The following PALLD variants were observed in gnomAD, a reference collection of about 807,000 sequenced individuals.
PALLD encodes palladin, cytoskeletal associated protein, also known as palladin.
A neutral mutation model predicts 123.5 loss-of-function variants in PALLD; 61 were observed. The observed-to-expected ratio is 0.49, with a 90% CI of 0.40 to 0.61. The LOEUF (loss-of-function observed/expected upper bound fraction) is 0.61, where lower values mean the gene tolerates loss of function less well. Among genes scored for constraint, PALLD ranks in the 20% least tolerant of loss-of-function variants. The pLI is 0.00. For synonymous variants in PALLD, 465 were observed against 496.4 expected, an observed-to-expected ratio of 0.94 and a Z score of 0.84; for missense variants, 1,273 against 1,377.0, an observed-to-expected ratio of 0.92 and a Z score of 1.20.
chr4:168,915,271 C>T (rs1041815059), intron 16 of PALLD, among the ~76,000 whole-genome samples: 3 of 152,100 alleles, frequency 2.0e-5, no homozygotes, highest in African/African-American at 7.2e-5. Context: ...GTCTTCCCTG[C>T]GATTACTTTC....
rs370500761 is a variant in PALLD, at chr4:168,668,191, T to C, written c.910T>C (p.Trp304Arg). 8 of 1,613,514 alleles carry C rather than the reference T, an allele frequency of 5.0e-6. No homozygotes were observed. The Admixed American group carries it at 6.7e-5, about 13-fold the overall frequency. The change falls in exon 3 of 22, where the codon TGG becomes CGG. Residue 304 changes from tryptophan to arginine, a missense_variant and splice_region_variant. Coordinates refer to ENST00000505667, the MANE Select transcript of PALLD (RefSeq NM_001166108.2). ...VTGNPTPRVR[W>R]FCEGKELHNT... is the part of the protein sequence containing the mutation. ...CTTTGACCTCCATTTGGCCTGCAGA[T>C]GGTTCTGTGAAGGGAAAGAACTGCA...
intron 10 of PALLD, among the ~76,000 whole-genome samples, chr4:168,823,705 A>T (rs1308566632): frequency 1.3e-5 from 2 of 152,132 alleles, no homozygotes; most frequent in African/African-American, 4.8e-5. Context: ...CTTTCTCCTT[A>T]TGTAACACTA....
rs377747204 is a variant in PALLD, at chr4:168,511,870, T to G, written c.366T>G (p.Pro122=). The G allele has an allele frequency of 4.5e-5, 72 of 1,614,136 alleles. No homozygotes were observed. The highest frequency in any genetic ancestry group is 3.3e-4 in the Middle Eastern group (2 of 6,062). The change falls in exon 2 of 22, where the codon CCT becomes CCG. Residue 122 remains proline (P), a synonymous_variant. Coordinates refer to ENST00000505667, the MANE Select transcript of PALLD (RefSeq NM_001166108.2). The part of the protein sequence containing the change: ...SISSPVSKRK[P]AMSPLLTRPS... ...CTTCACCTGTTTCAAAGAGGAAACC[T>G]GCCATGTCACCCCTGCTCACCAGGC...
chr4:168,883,818 G>T (rs574105909), intron 10 of PALLD, among the ~76,000 whole-genome samples: 1 of 152,126 alleles, frequency 6.6e-6, no homozygotes, highest in Non-Finnish European at 1.5e-5. Context: ...AGTATTTAGT[G>T]CAGGAGGCCT....
intron 2 of PALLD, among the ~76,000 whole-genome samples, chr4:168,645,688 C>T (rs760518056): frequency 2.0e-5 from 3 of 152,144 alleles, no homozygotes; most frequent in Non-Finnish European, 2.9e-5. Context: ...AACACTTATT[C>T]GATGTTAGCT....
At position 168,925,694 on chromosome 4, in the gene PALLD, T is replaced by C. The variant is rs1364716068; in HGVS notation, c.*32+416T>C. Among the ~76,000 whole-genome samples the C allele has an allele frequency of 2.6e-5, 4 of 152,138 alleles. No individual in the cohort carries two copies. The East Asian group carries it at 7.7e-4, about 29-fold the overall frequency. On this transcript the variant is annotated intron_variant, in intron 21 of 21. Coordinates refer to ENST00000505667, the MANE Select transcript of PALLD (RefSeq NM_001166108.2). Reference sequence around the variant, plus strand: ...TTATCCATTGACATAAAAAAAACACTAGAAAAAAATTAAGAATTTATTTAA... The same window carrying C: ...TTATCCATTGACATAAAAAAAACACCAGAAAAAAATTAAGAATTTATTTAA...
chr4:168,692,989 A>G (rs1176788210), intron 8 of PALLD, among the ~76,000 whole-genome samples: 1 of 152,238 alleles, frequency 6.6e-6, no homozygotes, highest in East Asian at 1.9e-4. Context: ...CACTCAGAAT[A>G]TGCTAGCTAA....
Position 168,567,589 on chromosome 4 carries a change from C to T in PALLD, c.908+55177C>T, listed in dbSNP as rs1430422404. Among the ~76,000 whole-genome samples, 9 of 137,278 alleles carry T rather than the reference C, an allele frequency of 6.6e-5. No homozygotes were observed. In the South Asian group the frequency reaches 6.9e-4, roughly 11 times the overall value. The allele number at this position is 137,278 out of a possible 152,430, so 90.1% of individuals were successfully genotyped here. ...TGTGTATGTAGATATATATATTATA[C>T]ATTATATATAATATATATAATATAC... On this transcript the variant is annotated intron_variant, in intron 2 of 21. Coordinates refer to ENST00000505667, the MANE Select transcript of PALLD (RefSeq NM_001166108.2).
chr4:168,834,418 G>A (rs1744809320), intron 10 of PALLD, among the ~76,000 whole-genome samples: 2 of 152,078 alleles, frequency 1.3e-5, no homozygotes, highest in African/African-American at 4.8e-5. Flanking sequence ...GCTCTAGATA[G>A]TTTTTAGTTG....
chr4:168,501,309 G>T (rs945292848), intron 1 of PALLD, among the ~76,000 whole-genome samples: 7 of 152,054 alleles, frequency 4.6e-5, no homozygotes, highest in Non-Finnish European at 8.8e-5. Flanking sequence ...AGCTACTTGG[G>T]AAGCTAAAGT....
intron 2 of PALLD, among the ~76,000 whole-genome samples, chr4:168,570,209 T>C (rs1282931768): frequency 6.6e-6 from 1 of 152,164 alleles, no homozygotes; most frequent in African/African-American, 2.4e-5. Flanking sequence ...ATTCAATAAT[T>C]GTCTGTCTAT....
At chr4:168,924,551 T>C (rs974744602) in intron 19 of PALLD, 131 bp downstream of exon 19, 3 of 962,924 alleles carry the variant, frequency 3.1e-6, no homozygotes, top group Non-Finnish European at 4.9e-6. Flanking sequence ...ATGAAATCAA[T>C]CAAAGACAAA....
At chr4:168,850,817 C>G (rs536233154) in intron 10 of PALLD, among the ~76,000 whole-genome samples, 1 of 152,170 alleles carries the variant, frequency 6.6e-6, no homozygotes, top group Admixed American at 6.5e-5. Context: ...CAGGCATGAG[C>G]CACCGCGCCC....
chr4:168,906,830 GC>G (rs1292845987), intron 15 of PALLD, among the ~76,000 whole-genome samples: 2 of 151,550 alleles, frequency 1.3e-5, no homozygotes, highest in Non-Finnish European at 2.9e-5. Flanking sequence ...CTTACCCAAA[GC>G]CCAATATATA....
chr4:168,579,823 TA>T (rs1770049976), intron 2 of PALLD, among the ~76,000 whole-genome samples: 1 of 152,114 alleles, frequency 6.6e-6, no homozygotes, highest in South Asian at 2.1e-4. Flanking sequence ...ATATATGTTG[TA>T]AAATGATTAC....
At chr4:168,712,612 C>G (rs1784940430) in intron 10 of PALLD, among the ~76,000 whole-genome samples, 1 of 152,154 alleles carries the variant, frequency 6.6e-6, no homozygotes, top group South Asian at 2.1e-4. Context: ...ATTACAATGT[C>G]AGAGAGAGGC....
chr4:168,776,128 G>A (rs570356077), intron 10 of PALLD, among the ~76,000 whole-genome samples: 50 of 152,288 alleles, frequency 3.3e-4, no homozygotes, highest in Middle Eastern at 3.4e-3. Flanking sequence ...TTTGAGGAAC[G>A]TTGACATCTC....
intron 10 of PALLD, among the ~76,000 whole-genome samples, chr4:168,725,748 G>A (rs111792869): frequency 0.08 from 12,129 of 151,894 alleles, 492 homozygotes; most frequent in South Asian, 0.12. Flanking sequence ...GGATGGTCTC[G>A]ATTTCCTGAC....
chr4:168,556,257 G>A (rs1414746269), intron 2 of PALLD, among the ~76,000 whole-genome samples: 5 of 152,004 alleles, frequency 3.3e-5, no homozygotes, highest in African/African-American at 7.2e-5. Flanking sequence ...CACCACGCCC[G>A]GCTAATTTTT....
Sources: gnomAD v4.1 joint callset for allele counts (sites outside exome capture counted in the v4.1 genomes callset) on GRCh38, gnomAD v4.1.1 for gene constraint, MANE v1.5 for transcripts, NCBI Gene and HGNC (gene_info 2026-07-23, HGNC 2026-07-21) for gene names.